The following UBE2E1 variants were observed in gnomAD, a reference collection of about 807,000 sequenced individuals.
UBE2E1 encodes the protein ubiquitin-conjugating enzyme E2 E1.
UBE2E1 carries 6 observed loss-of-function variants against 21.4 expected under a neutral mutation model. The observed-to-expected ratio is 0.28, with a 90% CI of 0.15 to 0.55. The LOEUF (loss-of-function observed/expected upper bound fraction) is 0.55, where lower values mean the gene tolerates loss of function less well. Among genes scored for constraint, UBE2E1 ranks in the 20% least tolerant of loss-of-function variants. The probability of loss-of-function intolerance (pLI) is 0.93; values close to 1 mark genes in which losing one functional copy is unlikely to be tolerated. For synonymous variants in UBE2E1, 87 were observed against 82.7 expected (o/e 1.05, Z -0.28); for missense variants, 142 against 236.5 (o/e 0.60, Z 2.62).
At chr3:23,872,528 CTCTT>C (rs1385511722) in intron 3 of UBE2E1, among the ~76,000 whole-genome samples, 2 of 152,150 alleles carry the variant, frequency 1.3e-5, no homozygotes, top group Non-Finnish European at 2.9e-5. Context: ...GGTTCTCAAA[CTCTT>C]TGGTTTCAGG....
chr3:23,882,259 GA>G (rs1393979095), intron 3 of UBE2E1, among the ~76,000 whole-genome samples: 2 of 150,026 alleles, frequency 1.3e-5, no homozygotes, highest in South Asian at 4.2e-4. Flanking sequence ...GGTCTGCTTT[GA>G]CAGGGTGCTG....
At chr3:23,848,500 T>C (rs1410239048) in intron 3 of UBE2E1, among the ~76,000 whole-genome samples, 1 of 151,894 alleles carries the variant, frequency 6.6e-6, no homozygotes, top group East Asian at 1.9e-4. Flanking sequence ...CAAAAAACTT[T>C]AGCTAAGCAG....
intron 3 of UBE2E1, among the ~76,000 whole-genome samples, chr3:23,849,574 C>T (rs1237723041): frequency 6.6e-6 from 1 of 152,146 alleles, no homozygotes; most frequent in African/African-American, 2.4e-5. Context: ...GTTTTCATTG[C>T]TCATCTCCCA....
chr3:23,862,364 C>T (rs1373777949), intron 3 of UBE2E1, among the ~76,000 whole-genome samples: 2 of 152,196 alleles, frequency 1.3e-5, no homozygotes, highest in South Asian at 4.1e-4. Context: ...CTGAAAAAAA[C>T]GTATTAAGCT....
chr3:23,839,896 A>G (rs1700049834), intron 3 of UBE2E1, among the ~76,000 whole-genome samples: 1 of 152,066 alleles, frequency 6.6e-6, no homozygotes, highest in South Asian at 2.1e-4. Flanking sequence ...AGATTATGAT[A>G]TACCTTTTGA....
intron 3 of UBE2E1, among the ~76,000 whole-genome samples, chr3:23,838,996 G>A (rs1189451621): frequency 6.6e-6 from 1 of 150,674 alleles, no homozygotes; most frequent in Admixed American, 6.6e-5. Flanking sequence ...TACATCTTTA[G>A]CTTATCACAG....
chr3:23,882,877 T>C (rs1407390232), intron 3 of UBE2E1, among the ~76,000 whole-genome samples: 3 of 152,190 alleles, frequency 2.0e-5, no homozygotes, highest in East Asian at 1.9e-4. Context: ...CGCTGTTCCA[T>C]GAGCACTGCG....
rs1034887214 is a variant in UBE2E1, at chr3:23,853,071, C to T, written c.204-34496C>T. Among the ~76,000 whole-genome samples, 1 of 151,988 alleles carries T rather than the reference C, an allele frequency of 6.6e-6. No individual in the cohort carries two copies. The highest frequency in any genetic ancestry group is 2.4e-5 in the African/African-American group (1 of 41,376). The stretch of plus-strand genomic sequence containing the variant: ...AGCTGGGATTACAGGCATGCGGCAC[C>T]ACACCCAGCTAATTTTATTTTTTGT... On this transcript the variant is annotated intron_variant, in intron 3 of 5. Coordinates refer to ENST00000306627, the MANE Select transcript of UBE2E1 (RefSeq NM_003341.5). The surrounding 1 kb of genome is among the most constrained non-coding windows in gnomAD (Gnocchi z 4.1).
intron 3 of UBE2E1, chr3:23,879,591 C>T (rs754461866): frequency 1.1e-4 from 26 of 246,288 alleles, no homozygotes; most frequent in Non-Finnish European, 1.8e-4. Flanking sequence ...GACTAACCAT[C>T]CTTCCCTTCT....
rs565134655 is a variant in UBE2E1, at chr3:23,819,009, G to A, written c.203+7499G>A. 5.3e-5 allele frequency among the ~76,000 whole-genome samples: 8 copies of A among 152,340 alleles called. No individual in the cohort carries two copies. In the South Asian group the frequency reaches 8.3e-4, roughly 16 times the overall value. On this transcript the variant is annotated intron_variant, in intron 3 of 5. Coordinates refer to ENST00000306627, the MANE Select transcript of UBE2E1 (RefSeq NM_003341.5). ...GAGTAAAAATTGCTAGAGAGTCCGGGCACGGTGGCTTACGCCTGTAGTCCC... is the reference window on the plus strand; with the variant it reads ...GAGTAAAAATTGCTAGAGAGTCCGGACACGGTGGCTTACGCCTGTAGTCCC...
Position 23,853,566 on chromosome 3 carries a change from G to A in UBE2E1, c.204-34001G>A, listed in dbSNP as rs1210974143. On this transcript the variant is annotated intron_variant, in intron 3 of 5. Transcript: ENST00000306627. This position sits in a 1 kb window ranked among gnomAD's most constrained non-coding sequence, Gnocchi z 4.1. ...GTTTTTTTTTAATATAAGTTTTATG[G>A]TTTTAGCTGTTAAATTTAGGTCTCT... Among the ~76,000 whole-genome samples, 1 of 151,966 alleles carries A rather than the reference G, an allele frequency of 6.6e-6. No homozygotes were observed. Among genetic ancestry groups the A allele is most frequent in the Non-Finnish European group, 1.5e-5 (1 of 67,986 alleles).
chr3:23,814,000 G>A (rs1342044240), intron 3 of UBE2E1, among the ~76,000 whole-genome samples: 2 of 152,270 alleles, frequency 1.3e-5, no homozygotes, highest in South Asian at 2.1e-4. Flanking sequence ...TTTACCCTTT[G>A]CCATACTTCC....
Position 23,887,100 on chromosome 3 carries a change from C to A in UBE2E1, c.204-467C>A, listed in dbSNP as rs1479316234. On this transcript the variant is annotated intron_variant, in intron 3 of 5. Coordinates refer to ENST00000306627, the MANE Select transcript of UBE2E1 (RefSeq NM_003341.5). The surrounding 1 kb of genome is among the most constrained non-coding windows in gnomAD (Gnocchi z 4.4). ...TACATTATAAACCATCTATTAGATT[C>A]TTTTAAAGGTGAGATTATGGAGATA... Among the ~76,000 whole-genome samples the A allele has an allele frequency of 6.6e-6, 1 of 152,154 alleles. No individual in the cohort carries two copies. The highest frequency in any genetic ancestry group is 2.4e-5 in the African/African-American group (1 of 41,416).
intron 3 of UBE2E1, among the ~76,000 whole-genome samples, chr3:23,817,803 G>C (rs941923464): frequency 2.6e-5 from 4 of 152,190 alleles, no homozygotes; most frequent in Non-Finnish European, 4.4e-5. Flanking sequence ...AGAAACATTA[G>C]TGGGAGAATA....
At chr3:23,818,656 T>A (rs1414701653) in intron 3 of UBE2E1, among the ~76,000 whole-genome samples, 4 of 152,200 alleles carry the variant, frequency 2.6e-5, no homozygotes, top group Non-Finnish European at 5.9e-5. Context: ...TGTGTTTAGC[T>A]TTGCACACAT....
chr3:23,850,982 A>T (rs1293088377), intron 3 of UBE2E1, among the ~76,000 whole-genome samples: 1 of 151,802 alleles, frequency 6.6e-6, no homozygotes, highest in Admixed American at 6.6e-5. Flanking sequence ...CACCATGCCC[A>T]GCCTATTCCT....
chr3:23,880,843 GAC>G (rs1308029626), intron 3 of UBE2E1, among the ~76,000 whole-genome samples: 1 of 152,214 alleles, frequency 6.6e-6, no homozygotes, highest in African/African-American at 2.4e-5. Flanking sequence ...CTGTGCTAAT[GAC>G]AGTCTTTGAC....
intron 3 of UBE2E1, among the ~76,000 whole-genome samples, chr3:23,879,767 C>CTT (rs908146694): frequency 6.6e-6 from 1 of 152,214 alleles, no homozygotes; most frequent in African/African-American, 2.4e-5. Flanking sequence ...TTCTAGCATG[C>CTT]TTATCTTCCT....
At chr3:23,841,246 T>A (rs1042368852) in intron 3 of UBE2E1, among the ~76,000 whole-genome samples, 5 of 152,232 alleles carry the variant, frequency 3.3e-5, no homozygotes, top group African/African-American at 9.6e-5. Flanking sequence ...CAATTTTATC[T>A]GCTATAAATG....
Sources: allele counts gnomAD v4.1 joint callset (sites outside exome capture counted in the v4.1 genomes callset), GRCh38; gene constraint gnomAD v4.1.1; non-coding constraint Gnocchi (gnomAD v3.1); transcripts MANE v1.5; gene names NCBI Gene and HGNC (gene_info 2026-07-23, HGNC 2026-07-21).